IL1RAPL1: variants seen among roughly 807,000 people sequenced by gnomAD.
IL1RAPL1 encodes interleukin-1 receptor accessory protein-like 1.
Under a neutral mutation model 48.4 loss-of-function variants are expected in IL1RAPL1, and 3 were observed. The ratio of observed to expected loss-of-function variants is 0.06; its 90% CI spans 0.03 to 0.16. The LOEUF (loss-of-function observed/expected upper bound fraction) is 0.16. IL1RAPL1 is among the 10% of genes least tolerant of loss of function. The pLI is 1.00. For synonymous variants in IL1RAPL1, 185 were observed against 187.7 expected, an observed-to-expected ratio of 0.99 and a Z score of 0.12; for missense variants, 349 against 530.6, an observed-to-expected ratio of 0.66 and a Z score of 3.36.
chrX:28,908,122 G>A (rs1411790884), intron 2 of IL1RAPL1, among the ~76,000 whole-genome samples: 2 of 111,368 alleles, frequency 1.8e-5, no homozygotes, highest in Non-Finnish European at 3.8e-5. Context: ...TGGCTAGCAT[G>A]GCTAGTGGTT....
chrX:28,763,892 T>C (rs886292054), intron 1 of IL1RAPL1, among the ~76,000 whole-genome samples: 3 of 111,236 alleles, frequency 2.7e-5, no homozygotes, highest in Non-Finnish European at 5.7e-5. Flanking sequence ...GGCTTGTACT[T>C]ACCAAGTCAT....
intron 2 of IL1RAPL1, among the ~76,000 whole-genome samples, chrX:29,219,254 A>G (rs1321857383): frequency 8.9e-6 from 1 of 112,008 alleles, no homozygotes; most frequent in East Asian, 2.8e-4. Context: ...TATTTATTCT[A>G]CTATACAAAT....
rs1569183037 is a variant in IL1RAPL1, at chrX:28,836,369, A to ATATATATATATATAT, written c.82+46944_82+46945insTATATATATATATAT. ...ATATATATATATATATATATGACAG[A>ATATATATATATATAT]GAGAGAGAGAGAGAGAGACAGACAG... On this transcript the variant is annotated intron_variant, in intron 2 of 10. Transcript: ENST00000378993. Among the ~76,000 whole-genome samples, 47 of 73,182 alleles carry ATATATATATATATAT rather than the reference A, an allele frequency of 6.4e-4. No homozygotes were observed. The African/African-American group carries it at 8.0e-3, about 13-fold the overall frequency. 63.5% of individuals were successfully genotyped at this position (73,182 alleles called of 115,157 possible).
chrX:29,760,395 G>A (rs1569161766), intron 6 of IL1RAPL1, among the ~76,000 whole-genome samples: 1 of 111,727 alleles, frequency 9.0e-6, no homozygotes, highest in African/African-American at 3.3e-5. Flanking sequence ...ATTGGGTAAA[G>A]GGTACGTGGA....
intron 3 of IL1RAPL1, among the ~76,000 whole-genome samples, chrX:29,377,462 A>T (rs1279657047): frequency 9.0e-6 from 1 of 111,664 alleles, no homozygotes; most frequent in African/African-American, 3.3e-5. Context: ...TCTGTGGGCT[A>T]TGTGCTTAAG....
intron 2 of IL1RAPL1, among the ~76,000 whole-genome samples, chrX:28,963,038 G>T (rs1487737161): frequency 9.0e-6 from 1 of 110,845 alleles, no homozygotes; most frequent in Non-Finnish European, 1.9e-5. Flanking sequence ...TTTTGTTCAA[G>T]AAAAATACAT....
At chrX:29,524,328 G>T (rs772238579) in intron 5 of IL1RAPL1, among the ~76,000 whole-genome samples, 4 of 110,306 alleles carry the variant, frequency 3.6e-5, no homozygotes, top group Non-Finnish European at 7.6e-5. Context: ...AGATATATTT[G>T]TGTATGTGTA....
At chrX:29,529,241 G>C (rs1448745398) in intron 5 of IL1RAPL1, among the ~76,000 whole-genome samples, 1 of 111,497 alleles carries the variant, frequency 9.0e-6, no homozygotes, top group African/African-American at 3.3e-5. Flanking sequence ...CTGAAAAAAA[G>C]ATATTGTTAT....
chrX:29,417,376 C>G (rs1206473685), intron 5 of IL1RAPL1, among the ~76,000 whole-genome samples: 2 of 111,675 alleles, frequency 1.8e-5, no homozygotes, highest in Non-Finnish European at 3.8e-5. Context: ...GTCTTTTAGT[C>G]ATTATATTAG....
Position 29,802,805 on chromosome X carries a change from ATATATGTG to A in IL1RAPL1, c.779-114657_779-114650del, listed in dbSNP as rs1569172826. Among the ~76,000 whole-genome samples the A allele has an allele frequency of 7.4e-4, 43 of 58,476 alleles. 1 individual carries two copies. The highest frequency in any genetic ancestry group is 4.5e-3 in the African/African-American group (43 of 9,602). The allele number at this position is 58,476 out of a possible 115,157, so 50.8% of individuals were successfully genotyped here. On this transcript the variant is annotated intron_variant, in intron 6 of 10. Coordinates refer to ENST00000378993, the MANE Select transcript of IL1RAPL1 (RefSeq NM_014271.4). Reference sequence around the variant, plus strand: ...TATGTGTGTGTGTATATATATATATATATATGTGTGTATATATATGTATACATATATGT... The same window carrying A: ...TATGTGTGTGTGTATATATATATATATGTATATATATGTATACATATATGT...
chrX:28,620,891 C>G (rs1934277404), intron 1 of IL1RAPL1, among the ~76,000 whole-genome samples: 1 of 111,929 alleles, frequency 8.9e-6, no homozygotes, highest in Non-Finnish European at 1.9e-5. Flanking sequence ...CATTGTATAT[C>G]ACTCTCCTCT....
intron 5 of IL1RAPL1, among the ~76,000 whole-genome samples, chrX:29,636,351 G>A (rs371350236): frequency 1.7e-4 from 19 of 111,465 alleles, no homozygotes; most frequent in African/African-American, 4.6e-4. Context: ...CCTATTTTTC[G>A]CCCATCAGAT....
At position 29,782,287 on chromosome X, in the gene IL1RAPL1, A is replaced by G. The variant is rs766799262; in HGVS notation, c.778+113783A>G. Among the ~76,000 whole-genome samples the G allele has an allele frequency of 6.3e-5, 7 of 111,721 alleles. No individual in the cohort carries two copies. The South Asian group carries it at 2.6e-3, about 42-fold the overall frequency. ...TAAAGACTGCGTTGAAGCAATTTTA[A>G]GGATAATTCAGAACATATTTTTCTA... On this transcript the variant is annotated intron_variant, in intron 6 of 10. Transcript: ENST00000378993.
chrX:29,619,825 A>G (rs1318135466), intron 5 of IL1RAPL1, among the ~76,000 whole-genome samples: 1 of 111,872 alleles, frequency 8.9e-6, no homozygotes. Flanking sequence ...AAGAGACATA[A>G]ACAAAGTTTT....
chrX:29,863,041 A>C (rs997035124), intron 6 of IL1RAPL1, among the ~76,000 whole-genome samples: 2 of 109,690 alleles, frequency 1.8e-5, no homozygotes, highest in Non-Finnish European at 3.8e-5. Context: ...ACTGAGGGTG[A>C]AAAATGTAGT....
intron 5 of IL1RAPL1, among the ~76,000 whole-genome samples, chrX:29,499,423 AGCC>A (rs1250761278): frequency 8.1e-5 from 9 of 111,420 alleles, no homozygotes; most frequent in African/African-American, 2.9e-4. Context: ...CATGCATTTC[AGCC>A]TTATGATTTT....
intron 3 of IL1RAPL1, among the ~76,000 whole-genome samples, chrX:29,366,726 G>A (rs1933464843): frequency 9.3e-6 from 1 of 107,748 alleles, no homozygotes; most frequent in Admixed American, 1.0e-4. Context: ...CCGGCACCAC[G>A]CCCGGCTAAT....
At chrX:28,796,293 C>A (rs1936610189) in intron 2 of IL1RAPL1, among the ~76,000 whole-genome samples, 1 of 111,623 alleles carries the variant, frequency 9.0e-6, no homozygotes, top group African/African-American at 3.3e-5. Flanking sequence ...CATTTCAAAA[C>A]CAGTCATGCC....
intron 2 of IL1RAPL1, among the ~76,000 whole-genome samples, chrX:29,252,283 G>GA (rs1177070111): frequency 3.4e-3 from 97 of 28,920 alleles, no homozygotes; most frequent in South Asian, 0.032. Flanking sequence ...AAAGAAAAAA[G>GA]AAAAAAAAAA....
Sources: gnomAD v4.1 joint callset for allele counts (sites outside exome capture counted in the v4.1 genomes callset) on GRCh38, gnomAD v4.1.1 for gene constraint, MANE v1.5 for transcripts, NCBI Gene and HGNC (gene_info 2026-07-23, HGNC 2026-07-21) for gene names.